The following GRM7 variants were observed in gnomAD, a reference collection of about 807,000 sequenced individuals.
The protein encoded by GRM7 is metabotropic glutamate receptor 7.
In GRM7, 35 loss-of-function variants were observed where a neutral mutation model predicts 84.5. The observed-to-expected ratio is 0.41, with a 90% CI of 0.32 to 0.55. The LOEUF (loss-of-function observed/expected upper bound fraction) is 0.55. Among genes scored for constraint, GRM7 ranks in the 20% least tolerant of loss-of-function variants. The pLI is 0.19. For synonymous variants in GRM7, 487 were observed against 455.1 expected (o/e 1.07, Z -0.89); for missense variants, 1,003 against 1,194.6 (o/e 0.84, Z 2.36).
intron 7 of GRM7, among the ~76,000 whole-genome samples, chr3:7,513,409 GT>G (rs372401577): frequency 2.6e-5 from 4 of 151,076 alleles, no homozygotes; most frequent in African/African-American, 7.3e-5. Context: ...TTTTTTTTCT[GT>G]TTTTTTCTTT....
intron 5 of GRM7, among the ~76,000 whole-genome samples, chr3:7,423,609 A>G (rs996285073): frequency 3.3e-5 from 5 of 152,148 alleles, no homozygotes; most frequent in Admixed American, 3.3e-4. Flanking sequence ...AGCCTTCCTT[A>G]GAAGAGTTTC....
chr3:7,460,895 A>C (rs2124906970), intron 6 of GRM7, among the ~76,000 whole-genome samples: 1 of 152,324 alleles, frequency 6.6e-6, no homozygotes, highest in Middle Eastern at 3.4e-3. Flanking sequence ...CGTTCTTTAA[A>C]ATTCACTCCA....
chr3:7,125,973 T>C (rs576741583), intron 1 of GRM7, among the ~76,000 whole-genome samples: 347 of 152,364 alleles, frequency 2.3e-3, no homozygotes, highest in African/African-American at 7.8e-3. Context: ...AATTGTCACC[T>C]TCCCCTCAGG....
intron 4 of GRM7, among the ~76,000 whole-genome samples, chr3:7,352,914 C>T (rs762966154): frequency 3.9e-5 from 6 of 152,210 alleles, no homozygotes; most frequent in South Asian, 2.1e-4. Context: ...AATGTCCTCA[C>T]GTTAACAGTA....
intron 1 of GRM7, among the ~76,000 whole-genome samples, chr3:6,950,981 A>G (rs1195445804): frequency 6.6e-6 from 1 of 152,140 alleles, no homozygotes; most frequent in Non-Finnish European, 1.5e-5. Flanking sequence ...AGGAAAGGGA[A>G]TTCCCTGACC....
Position 7,605,116 on chromosome 3 carries a change from G to A in GRM7, c.2451+25759G>A, listed in dbSNP as rs115387658. ...ATTAAAAAGAAATCTGAAAATTTTGGTATCATCTGAAAAACTGCCCAGATG... is the reference window on the plus strand; with the variant it reads ...ATTAAAAAGAAATCTGAAAATTTTGATATCATCTGAAAAACTGCCCAGATG... On this transcript the variant is annotated intron_variant, in intron 8 of 9. Coordinates refer to ENST00000357716, the MANE Select transcript of GRM7 (RefSeq NM_000844.4). 1.9e-3 allele frequency among the ~76,000 whole-genome samples: 287 copies of A among 152,080 alleles called. 2 individuals carry two copies. Among genetic ancestry groups the A allele is most frequent in the African/African-American group, 6.7e-3 (280 of 41,484 alleles).
chr3:6,941,313 T>A (rs972207321), intron 1 of GRM7, among the ~76,000 whole-genome samples: 18 of 152,204 alleles, frequency 1.2e-4, no homozygotes, highest in Admixed American at 4.6e-4. Flanking sequence ...CTCTATTTTT[T>A]ACCCTTTCTT....
At chr3:7,522,308 T>C (rs1700626957) in intron 7 of GRM7, among the ~76,000 whole-genome samples, 1 of 51,530 alleles carries the variant, frequency 1.9e-5, no homozygotes, top group African/African-American at 8.1e-5. Context: ...AGACTACAGT[T>C]TGAACAAACT....
chr3:7,253,512 G>A (rs985376274), intron 2 of GRM7, among the ~76,000 whole-genome samples: 19 of 151,874 alleles, frequency 1.3e-4, no homozygotes, highest in African/African-American at 4.3e-4. Context: ...AGCTGCTGGG[G>A]AGGCTGAGGC....
chr3:6,887,403 A>C (rs551504490), intron 1 of GRM7, among the ~76,000 whole-genome samples: 6 of 145,588 alleles, frequency 4.1e-5, no homozygotes, highest in South Asian at 4.3e-4. Context: ...ACAACAGTCC[A>C]CAGAGTGTGA....
intron 5 of GRM7, among the ~76,000 whole-genome samples, chr3:7,449,355 G>C (rs1697668660): frequency 1.3e-5 from 2 of 152,092 alleles, no homozygotes; most frequent in South Asian, 4.1e-4. Flanking sequence ...CGAAGATACA[G>C]ATAGGAAGAT....
At chr3:7,239,173 C>T (rs140027399) in intron 2 of GRM7, among the ~76,000 whole-genome samples, 3 of 151,790 alleles carry the variant, frequency 2.0e-5, no homozygotes, top group Non-Finnish European at 4.4e-5. Flanking sequence ...CTAAATTTTG[C>T]ATTTTTTGGT....
chr3:7,410,757 A>G (rs1170295131), intron 4 of GRM7, among the ~76,000 whole-genome samples: 2 of 152,120 alleles, frequency 1.3e-5, no homozygotes, highest in Non-Finnish European at 2.9e-5. Context: ...ACTTTGTGAC[A>G]TCTGAGAACA....
At chr3:7,155,414 G>A (rs1411280467) in intron 2 of GRM7, among the ~76,000 whole-genome samples, 3 of 151,848 alleles carry the variant, frequency 2.0e-5, no homozygotes, top group Admixed American at 1.3e-4. Flanking sequence ...GTAAAAAGGA[G>A]TAGGCTTTAA....
At chr3:6,893,406 A>G (rs896299621) in intron 1 of GRM7, among the ~76,000 whole-genome samples, 1 of 152,190 alleles carries the variant, frequency 6.6e-6, no homozygotes, top group Non-Finnish European at 1.5e-5. Flanking sequence ...CATTGGTTCT[A>G]TTGGTAACTG....
intron 1 of GRM7, among the ~76,000 whole-genome samples, chr3:7,062,666 T>C (rs897352030): frequency 6.6e-6 from 1 of 151,768 alleles, no homozygotes; most frequent in African/African-American, 2.4e-5. Context: ...AAGTTGACTT[T>C]TAGCATATTT....
At chr3:7,037,028 T>C (rs1356410094) in intron 1 of GRM7, among the ~76,000 whole-genome samples, 1 of 152,190 alleles carries the variant, frequency 6.6e-6, no homozygotes, top group Admixed American at 6.5e-5. Context: ...TCAAGAGATG[T>C]CTTAGGACAT....
intron 8 of GRM7, among the ~76,000 whole-genome samples, chr3:7,611,734 C>G (rs962986166): frequency 2.6e-5 from 4 of 152,094 alleles, no homozygotes; most frequent in African/African-American, 4.8e-5. Flanking sequence ...AGGCCCCACC[C>G]AGACCTACCA....
chr3:7,451,597 T>A (rs1226715638), intron 5 of GRM7, among the ~76,000 whole-genome samples: 1 of 151,984 alleles, frequency 6.6e-6, no homozygotes, highest in Admixed American at 6.6e-5. Context: ...GGCTTTGGGG[T>A]CTGACAAGCC....
Sources: gnomAD v4.1 joint callset for allele counts (sites outside exome capture counted in the v4.1 genomes callset) on GRCh38, gnomAD v4.1.1 for gene constraint, MANE v1.5 for transcripts, NCBI Gene and HGNC (gene_info 2026-07-23, HGNC 2026-07-21) for gene names.